The following GALNT13 variants were observed in gnomAD, a reference collection of about 807,000 sequenced individuals.
GALNT13 encodes UDP-GalNAc:polypeptide N-acetylgalactosaminyltransferase 13.
GALNT13 carries 28 observed loss-of-function variants against 64.2 expected under a neutral mutation model. The observed-to-expected ratio is 0.44, with a 90% CI of 0.32 to 0.60. The LOEUF (loss-of-function observed/expected upper bound fraction) is 0.60. Among genes scored for constraint, GALNT13 ranks in the 20% least tolerant of loss-of-function variants. GALNT13 has a pLI of 0.05. For missense variants in GALNT13, 577 were observed against 669.8 expected (o/e 0.86, Z 1.53); for synonymous variants, 214 against 224.6 (o/e 0.95, Z 0.42).
the GALNT13 span, among the ~76,000 whole-genome samples, chr2:153,521,256 T>C: frequency 0.044 from 6,751 of 152,230 alleles, 216 homozygotes; most frequent in Non-Finnish European, 0.063. Context: ...AGGACCACTA[T>C]GGTAGTGGAT....
the GALNT13 span, among the ~76,000 whole-genome samples, chr2:153,213,564 A>C: frequency 6.6e-6 from 1 of 152,204 alleles, no homozygotes. Context: ...TGTAAGGGAT[A>C]AGAAAAGGGG....
chr2:154,024,091 T>A (rs962957353), intron 3 of GALNT13, among the ~76,000 whole-genome samples: 26 of 152,300 alleles, frequency 1.7e-4, no homozygotes, highest in Non-Finnish European at 3.5e-4. Context: ...CTTCCCTTTG[T>A]GGGTAACCCG....
intron 3 of GALNT13, among the ~76,000 whole-genome samples, chr2:153,972,025 G>T (rs998977604): frequency 6.6e-6 from 1 of 152,066 alleles, no homozygotes; most frequent in Non-Finnish European, 1.5e-5. Context: ...AAGGCAGAGA[G>T]TATAGTTATG....
At chr2:154,195,425 C>T (rs1273381157) in intron 4 of GALNT13, among the ~76,000 whole-genome samples, 1 of 152,084 alleles carries the variant, frequency 6.6e-6, no homozygotes, top group Non-Finnish European at 1.5e-5. Context: ...ATTAAACAAT[C>T]CACATCAATA....
rs140359210 is a variant in GALNT13, at chr2:153,935,823, T to G, written c.-104-8571T>G. On this transcript the variant is annotated intron_variant, in intron 2 of 12. Transcript: ENST00000392825. Reference sequence around the variant, plus strand: ...ACAGAGCATTAATTAACCCATCCTCTTCCCCACAACTCTTGGTGTACAAGC... The same window carrying G: ...ACAGAGCATTAATTAACCCATCCTCGTCCCCACAACTCTTGGTGTACAAGC... 7.9e-5 allele frequency among the ~76,000 whole-genome samples: 12 copies of G among 152,296 alleles called. No homozygotes were observed. The East Asian group carries it at 2.1e-3, about 27-fold the overall frequency.
intron 4 of GALNT13, among the ~76,000 whole-genome samples, chr2:154,147,283 G>A (rs2105604380): frequency 6.6e-6 from 1 of 151,176 alleles, no homozygotes; most frequent in Non-Finnish European, 1.5e-5. Context: ...AAAATATACG[G>A]TTTTACATTA....
At chr2:153,304,537 T>C in the GALNT13 span, among the ~76,000 whole-genome samples, 1 of 152,150 alleles carries the variant, frequency 6.6e-6, no homozygotes, top group Non-Finnish European at 1.5e-5. Context: ...AGCAGCCTCA[T>C]GGGGACTAGA....
the GALNT13 span, among the ~76,000 whole-genome samples, chr2:153,737,826 C>T: frequency 1.3e-5 from 2 of 151,884 alleles, no homozygotes; most frequent in African/African-American, 4.8e-5. Context: ...TTATTTGTAT[C>T]CAATTGCTGT....
chr2:154,373,164 G>T (rs188440435), intron 9 of GALNT13, among the ~76,000 whole-genome samples: 56 of 152,116 alleles, frequency 3.7e-4, no homozygotes, highest in Middle Eastern at 3.4e-3. Context: ...TACATTTTAT[G>T]GCAAACCTTC....
the GALNT13 span, among the ~76,000 whole-genome samples, chr2:153,151,068 AT>A: frequency 6.6e-6 from 1 of 152,006 alleles, no homozygotes. Flanking sequence ...CAGTATGGCC[AT>A]TTTCATGATA....
At position 154,396,575 on chromosome 2, in the gene GALNT13, T is replaced by C. The variant is rs118123885; in HGVS notation, c.1296+445T>C. On this transcript the variant is annotated intron_variant, in intron 10 of 12. Transcript: ENST00000392825. ...GTTAATATATTTTTTCCAAGCAAAA[T>C]CAAGTAATGATAAGAGAGTACCATT... 2.3e-4 allele frequency among the ~76,000 whole-genome samples: 35 copies of C among 152,274 alleles called. No individual in the cohort carries two copies. In the East Asian group the frequency reaches 6.4e-3, roughly 28 times the overall value.
rs137961302 is a variant in GALNT13, at chr2:154,447,778, T to C, written c.1531-2633T>C. 2.9e-3 allele frequency among the ~76,000 whole-genome samples: 446 copies of C among 152,144 alleles called. 2 individuals are homozygous for C. The highest frequency in any genetic ancestry group is 9.7e-3 in the African/African-American group (404 of 41,552). Reference sequence around the variant, plus strand: ...TTCCAAATGTAAGAGTTGGTAAAGCTGGAAAAGTCTAGGTCTTTTGCACAA... The same window carrying C: ...TTCCAAATGTAAGAGTTGGTAAAGCCGGAAAAGTCTAGGTCTTTTGCACAA... On this transcript the variant is annotated intron_variant, in intron 12 of 12. Coordinates refer to ENST00000392825, the MANE Select transcript of GALNT13 (RefSeq NM_052917.4).
the GALNT13 span, among the ~76,000 whole-genome samples, chr2:153,816,534 G>C: frequency 6.6e-6 from 1 of 152,150 alleles, no homozygotes; most frequent in East Asian, 1.9e-4. Context: ...GCCACATTTA[G>C]AAATATTTTC....
At chr2:154,215,711 A>AT (rs903711283) in intron 4 of GALNT13, among the ~76,000 whole-genome samples, 20 of 151,984 alleles carry the variant, frequency 1.3e-4, no homozygotes, top group African/African-American at 4.1e-4. Flanking sequence ...AAAGAGAAGA[A>AT]TTTTTTTTCT....
intron 3 of GALNT13, among the ~76,000 whole-genome samples, chr2:154,113,958 A>T (rs560302513): frequency 1.3e-5 from 2 of 152,286 alleles, no homozygotes; most frequent in South Asian, 4.1e-4. Context: ...CAATAAAACC[A>T]CATCTGGTAC....
the GALNT13 span, among the ~76,000 whole-genome samples, chr2:153,224,621 G>A: frequency 6.6e-6 from 1 of 152,100 alleles, no homozygotes; most frequent in South Asian, 2.1e-4. Flanking sequence ...GGCTAAGCAA[G>A]AAAGAGAGAG....
At chr2:153,522,739 T>A in the GALNT13 span, among the ~76,000 whole-genome samples, 2 of 152,342 alleles carry the variant, frequency 1.3e-5, no homozygotes, top group East Asian at 3.9e-4. Context: ...AAGAGTTCTT[T>A]GTGTATTTTG....
chr2:153,632,619 A>G, the GALNT13 span, among the ~76,000 whole-genome samples: 3 of 152,198 alleles, frequency 2.0e-5, no homozygotes, highest in African/African-American at 7.2e-5. Flanking sequence ...TATAAAATAA[A>G]ACATATAGGA....
At chr2:153,082,612 TATATATACACACACACACACAC>T in the GALNT13 span, among the ~76,000 whole-genome samples, 157 of 38,752 alleles carry the variant, frequency 4.1e-3, 1 homozygote, top group African/African-American at 0.012. Context: ...TATATATATA[TATATATACACACACACACACAC>T]ACACACACAC....
Sources: gnomAD v4.1 joint callset for allele counts (sites outside exome capture counted in the v4.1 genomes callset) on GRCh38, gnomAD v4.1.1 for gene constraint, MANE v1.5 for transcripts, NCBI Gene and HGNC (gene_info 2026-07-23, HGNC 2026-07-21) for gene names.